The following PCDHGA4 variants were observed in gnomAD, a reference collection of about 807,000 sequenced individuals.
The protein encoded by PCDHGA4 is protocadherin gamma-A4.
PCDHGA4 carries 38 observed loss-of-function variants against 54.6 expected under a neutral mutation model. That is an observed-to-expected ratio of 0.70 (90% CI 0.54 to 0.91). PCDHGA4 has a LOEUF of 0.91. Ranked by LOEUF, PCDHGA4 falls within the 40% of genes least tolerant of loss-of-function variation. The pLI is 0.00. For missense variants in PCDHGA4, 1,298 were observed against 1,220.9 expected (o/e 1.06, Z -0.94); for synonymous variants, 511 against 512.9 (o/e 1.00, Z 0.05).
At chr5:141,461,820 A>AT (rs1458631685) in intron 1 of PCDHGA4, among the ~76,000 whole-genome samples, 5 of 147,814 alleles carry the variant, frequency 3.4e-5, no homozygotes, top group African/African-American at 7.5e-5. Context: ...CACCCAGCTA[A>AT]TTTTTTTTTC....
chr5:141,385,160 C>T lies in PCDHGA4; in HGVS notation c.2514+27539C>T, dbSNP rs765072883. 6.2e-6 allele frequency: 10 copies of T among 1,614,096 alleles called. No individual in the cohort carries two copies. The East Asian group carries it at 2.0e-4, about 32-fold the overall frequency. On this transcript the variant is annotated intron_variant, in intron 1 of 3. Coordinates refer to ENST00000571252, the MANE Select transcript of PCDHGA4 (RefSeq NM_018917.4). ...GTGCAGGCTTTCCTGCAGACCTATT[C>T]CCATGAGGTCTCCCTCACCGCGGAC...
chr5:141,426,704 A>C, intron 1 of PCDHGA4: 1 of 440,322 alleles, frequency 2.3e-6, no homozygotes, highest in South Asian at 1.6e-5. Context: ...TTGTTTTACA[A>C]ATCAATGAAC....
intron 1 of PCDHGA4, chr5:141,374,164 G>A: frequency 6.2e-7 from 1 of 1,612,952 alleles, no homozygotes; most frequent in East Asian, 2.2e-5. Context: ...GGGGGGCCGC[G>A]GCAGCGCAGA....
chr5:141,495,109 C>A (rs1445945970), intron 2 of PCDHGA4, among the ~76,000 whole-genome samples: 3 of 152,278 alleles, frequency 2.0e-5, no homozygotes, highest in South Asian at 2.1e-4. Context: ...CGACCGGCAC[C>A]TTTTCCTATC....
chr5:141,500,400 G>A (rs2099799942), intron 2 of PCDHGA4, among the ~76,000 whole-genome samples: 1 of 151,666 alleles, frequency 6.6e-6, no homozygotes, highest in East Asian at 1.9e-4. Context: ...TAGTAGAGAC[G>A]GGGTTTCACC....
chr5:141,417,940 C>T (rs757819377), intron 1 of PCDHGA4: 2 of 1,613,054 alleles, frequency 1.2e-6, no homozygotes, highest in South Asian at 1.1e-5. Context: ...TGTTCTACCC[C>T]ACGCTGTGTG....
At chr5:141,384,310 A>T in intron 1 of PCDHGA4, 2 of 1,613,676 alleles carry the variant, frequency 1.2e-6, no homozygotes, top group East Asian at 4.5e-5. Flanking sequence ...AGGGGCCTCC[A>T]TTTTCTTAGT....
chr5:141,381,355 C>T (rs1431564536), intron 1 of PCDHGA4, among the ~76,000 whole-genome samples: 1 of 152,222 alleles, frequency 6.6e-6, no homozygotes, highest in Admixed American at 6.5e-5. Context: ...TTTCTGCTAG[C>T]AGAGGGTAGC....
intron 1 of PCDHGA4, chr5:141,417,798 C>G (rs2096163233): frequency 6.7e-7 from 1 of 1,486,352 alleles, no homozygotes; most frequent in African/African-American, 1.4e-5. Flanking sequence ...GCTCTTTTAG[C>G]GCGGTAGAGT....
chr5:141,469,762 A>G (rs547099941), intron 1 of PCDHGA4, among the ~76,000 whole-genome samples: 15 of 152,360 alleles, frequency 9.8e-5, no homozygotes, highest in African/African-American at 3.4e-4. Flanking sequence ...ATACATATAT[A>G]CCAGCTTATT....
chr5:141,403,324 T>G (rs769971532), intron 1 of PCDHGA4: 1 of 1,613,974 alleles, frequency 6.2e-7, no homozygotes, highest in East Asian at 2.2e-5. Context: ...TAGAAGTAAC[T>G]GATATTAACG....
intron 1 of PCDHGA4, chr5:141,377,304 A>G (rs1051630740): frequency 2.6e-5 from 4 of 152,154 alleles, no homozygotes; most frequent in African/African-American, 9.7e-5. Context: ...GGTCAGTGTT[A>G]AAGATCAAGA....
chr5:141,403,571 G>T (rs778030830), intron 1 of PCDHGA4: 2 of 1,613,904 alleles, frequency 1.2e-6, no homozygotes, highest in South Asian at 1.1e-5. Flanking sequence ...GGAGGCAACT[G>T]CCCACCACCT....
chr5:141,410,841 G>GT, intron 1 of PCDHGA4: 1 of 214,604 alleles, frequency 4.7e-6, no homozygotes, highest in Non-Finnish European at 7.8e-6. Context: ...AAGATATTTT[G>GT]TCTTTGTCTT....
rs759356451 is a variant in PCDHGA4, at chr5:141,476,397, G to C, written c.2515-18410G>C. On this transcript the variant is annotated intron_variant, in intron 1 of 3. Transcript: ENST00000571252. The surrounding 1 kb of genome is among the most constrained non-coding windows in gnomAD (Gnocchi z 7.6). ...ATGTTTGTGAACGACCGTCTGGATC[G>C]AGAGGAGCTGTGTGGGACACTGCCC... The C allele has an allele frequency of 6.2e-7, 1 of 1,614,142 alleles. No individual in the cohort carries two copies. The highest frequency in any genetic ancestry group is 8.5e-7 in the Non-Finnish European group (1 of 1,180,036).
chr5:141,456,157 A>G (rs1307977690), intron 1 of PCDHGA4, among the ~76,000 whole-genome samples: 3 of 152,052 alleles, frequency 2.0e-5, no homozygotes, highest in Admixed American at 1.3e-4. Context: ...TCGGCCTCCT[A>G]AAGTGCTGGG....
rs1760529630 is a variant in PCDHGA4, at chr5:141,357,272, T to A, written c.2165T>A (p.Leu722His). ...SADPDDSGLT[L>H]YLVVAVAAVS... ...GACCCAGACGACTCGGGCCTCACAC[T>A]CTATCTCGTGGTGGCAGTGGCCGCT... Residue 722 changes from leucine (L) to histidine (H), a missense_variant, in exon 1 of 4, where the codon CTC (leucine) becomes CAC (histidine). By Grantham distance (99) the Leu-to-His change is moderately conservative (BLOSUM62 -3). Transcript: ENST00000571252. 1 of 1,613,654 alleles carries A rather than the reference T, an allele frequency of 6.2e-7. No individual in the cohort carries two copies. Among genetic ancestry groups the A allele is most frequent in the Admixed American group, 1.7e-5 (1 of 59,996 alleles).
At chr5:141,506,923 C>T (rs1414595306) in intron 3 of PCDHGA4, among the ~76,000 whole-genome samples, 4 of 152,184 alleles carry the variant, frequency 2.6e-5, no homozygotes, top group African/African-American at 9.7e-5. Context: ...ACATACTAAA[C>T]AAACTTTAGG....
At chr5:141,422,144 G>T in intron 1 of PCDHGA4, 1 of 1,583,520 alleles carries the variant, frequency 6.3e-7, no homozygotes, top group Non-Finnish European at 8.5e-7. Context: ...CAAGTACGGG[G>T]GTCTCTGGAT....
Sources: allele counts gnomAD v4.1 joint callset (sites outside exome capture counted in the v4.1 genomes callset), GRCh38; gene constraint gnomAD v4.1.1; non-coding constraint Gnocchi (gnomAD v3.1); transcripts MANE v1.5; gene names NCBI Gene and HGNC (gene_info 2026-07-23, HGNC 2026-07-21).